The following KRT33A variants were observed in gnomAD, a reference collection of about 807,000 sequenced individuals.
KRT33A encodes keratin 33A.
A neutral mutation model predicts 41.1 loss-of-function variants in KRT33A; 44 were observed. The observed-to-expected ratio is 1.07, with a 90% CI of 0.84 to 1.38. The LOEUF is 1.38. Ranked by LOEUF, KRT33A falls within the 40% of genes most tolerant of loss-of-function variation. KRT33A has a pLI of 0.00. For missense variants in KRT33A, 536 were observed against 518.5 expected (o/e 1.03, Z -0.33); for synonymous variants, 229 against 227.8 (o/e 1.01, Z -0.05).
chr17:41,349,047 T>C (rs1310000545), intron 2 of KRT33A, among the ~76,000 whole-genome samples: 1 of 152,212 alleles, frequency 6.6e-6, no homozygotes, highest in African/African-American at 2.4e-5. Flanking sequence ...TGCTTCCACA[T>C]TCTCCATTCT....
At chr17:41,350,351 T>C in intron 1 of KRT33A, 69 bp downstream of exon 1, 1 of 1,551,070 alleles carries the variant, frequency 6.4e-7, no homozygotes, top group Non-Finnish European at 8.8e-7. Flanking sequence ...CTTACGTTGT[T>C]TCTCAATCAC....
intron 1 of KRT33A, 46 bp downstream of exon 1, chr17:41,350,374 C>T (rs1020630577): frequency 1.3e-6 from 2 of 1,590,726 alleles, no homozygotes; most frequent in Non-Finnish European, 1.7e-6. Flanking sequence ...CTCGGATTCT[C>T]TCCCGACAAC....
At chr17:41,349,193 A>G (rs578065656) in intron 2 of KRT33A, among the ~76,000 whole-genome samples, 153 bp downstream of exon 2, 2 of 152,306 alleles carry the variant, frequency 1.3e-5, no homozygotes, top group East Asian at 1.9e-4. Flanking sequence ...AGGATCTCTG[A>G]GCTACGGTGT....
In KRT33A at chr17:41,350,537, C is replaced by G; in HGVS notation, c.231G>C (p.Leu77=). The stretch of plus-strand genomic sequence containing the variant: ...TCTCCAGCTCCGCGTTGTCCCGCTC[C>G]AGCTGACGCACCTTCTCCAGGTAGC... ...LASYLEKVRQ[L]ERDNAELENL... is the part of the protein sequence containing the mutation. The change falls in exon 1 of 7, where the codon CTG becomes CTC. Residue 77 remains leucine, a synonymous_variant. Transcript: ENST00000007735. 1 of 1,614,102 alleles carries G rather than the reference C, an allele frequency of 6.2e-7. No individual in the cohort carries two copies.
At chr17:41,350,379 G>A (rs745533144) in intron 1 of KRT33A, 41 bp downstream of exon 1, 84 of 1,594,224 alleles carry the variant, frequency 5.3e-5, no homozygotes, top group South Asian at 1.6e-4. Context: ...ATTCTCTCCC[G>A]ACAACTTCCT....
chr17:41,348,171 G>A (rs1353778252), intron 3 of KRT33A, among the ~76,000 whole-genome samples: 1 of 152,212 alleles, frequency 6.6e-6, no homozygotes, highest in Non-Finnish European at 1.5e-5. Flanking sequence ...TACAAATGGA[G>A]AATTGGAATA....
Position 41,346,887 on chromosome 17 carries a change from G to C in KRT33A, c.833C>G (p.Thr278Arg). ...CAGCTCGATCTCCAGGGCATTGACC[G>C]TGCGTCTCAGCTCGATGATCTCCGC... ...YQAEIIELRR[T>R]VNALEIELQA... The change falls in exon 5 of 7, where the codon ACG (threonine) becomes AGG (arginine). Residue 278 changes from threonine (T) to arginine (R), a missense_variant. Thr to Arg is a moderately conservative substitution (Grantham distance 71). Transcript: ENST00000007735. 1 of 1,613,054 alleles carries C rather than the reference G, an allele frequency of 6.2e-7. No individual in the cohort carries two copies. The highest frequency in any genetic ancestry group is 8.5e-7 in the Non-Finnish European group (1 of 1,180,034).
intron 1 of KRT33A, 135 bp from the exon 2 acceptor site, chr17:41,349,563 C>A: frequency 1.3e-6 from 1 of 749,504 alleles, no homozygotes; most frequent in East Asian, 2.7e-5. Context: ...AGCAGGTACT[C>A]AATGAATATT....
intron 2 of KRT33A, 138 bp from the exon 3 acceptor site, chr17:41,348,777 A>G (rs2017461415): frequency 1.1e-6 from 1 of 885,516 alleles, no homozygotes; most frequent in Admixed American, 2.7e-5. Flanking sequence ...GGTTTTCAGC[A>G]TCGAGCTGGA....
intron 3 of KRT33A, among the ~76,000 whole-genome samples, chr17:41,348,084 G>A (rs564485459): frequency 6.6e-6 from 1 of 152,354 alleles, no homozygotes; most frequent in African/African-American, 2.4e-5. Flanking sequence ...GCTCTGGACA[G>A]GAACGAAGAG....
intron 3 of KRT33A, among the ~76,000 whole-genome samples, chr17:41,347,569 A>G (rs946780835): frequency 2.0e-5 from 3 of 152,226 alleles, no homozygotes; most frequent in Non-Finnish European, 4.4e-5. Flanking sequence ...ATAGCCTCAC[A>G]TGTTTGACTC....
intron 3 of KRT33A, 54 bp downstream of exon 3, chr17:41,348,429 A>T: frequency 1.3e-6 from 2 of 1,598,886 alleles, no homozygotes; most frequent in Non-Finnish European, 8.6e-7. Flanking sequence ...ACCCTGTGGC[A>T]GTTGTGAAAC....
Position 41,348,544 on chromosome 17 carries a change from A to G in KRT33A, c.527T>C (p.Leu176Pro). The G allele has an allele frequency of 1.2e-6, 2 of 1,614,012 alleles. No individual in the cohort carries two copies. The highest frequency in any genetic ancestry group is 1.7e-6 in the Non-Finnish European group (2 of 1,179,996). ...LDELTLCRSD[L>P]EAQVESLKEE... ...CTTCAGGGACTCCACCTGGGCCTCC[A>G]GGTCAGACCTGCACAGGGTCAGCTC... Residue 176 changes from leucine to proline, a missense_variant, in exon 3 of 7, where the codon CTG (leucine) becomes CCG (proline). By Grantham distance (98) the Leu-to-Pro change is moderately conservative (BLOSUM62 -3). Coordinates refer to ENST00000007735, the MANE Select transcript of KRT33A (RefSeq NM_004138.4).
At chr17:41,347,621 G>C (rs1048638983) in intron 3 of KRT33A, among the ~76,000 whole-genome samples, 9 of 152,252 alleles carry the variant, frequency 5.9e-5, no homozygotes, top group African/African-American at 2.2e-4. Flanking sequence ...AGCTAAAGAG[G>C]AAATACAGAA....
Position 41,346,459 on chromosome 17 carries a change from G to T in KRT33A, c.1086C>A (p.Ser362Arg), listed in dbSNP as rs371293319. The T allele has an allele frequency of 2.5e-6, 4 of 1,613,896 alleles. No homozygotes were observed. The highest frequency in any genetic ancestry group is 1.7e-4 in the Middle Eastern group (1 of 6,016). ...EINTYRSLLE[S>R]EDCKLPSNPC... is the part of the protein sequence containing the mutation. Reference sequence around the variant, plus strand: ...ACCCCCATACTGACTTGCAGTCCTCGCTCTCCAGCAGGCTCCGGTACGTGT... The same window carrying T: ...ACCCCCATACTGACTTGCAGTCCTCTCTCTCCAGCAGGCTCCGGTACGTGT... Residue 362 changes from serine to arginine, a missense_variant, in exon 6 of 7, where the codon AGC becomes AGA. Coordinates refer to ENST00000007735, the MANE Select transcript of KRT33A (RefSeq NM_004138.4).
chr17:41,349,875 A>T (rs2017480093), intron 1 of KRT33A, among the ~76,000 whole-genome samples: 1 of 152,026 alleles, frequency 6.6e-6, no homozygotes, highest in South Asian at 2.1e-4. Context: ...AACTGGGACT[A>T]CTTTGTCCTA....
At chr17:41,348,763 T>C (rs1456139780) in intron 2 of KRT33A, 124 bp from the exon 3 acceptor site, 2 of 1,041,300 alleles carry the variant, frequency 1.9e-6, no homozygotes, top group South Asian at 3.2e-5. Flanking sequence ...ATCTCTTTTG[T>C]TTAGGTTTTC....
Position 41,350,824 on chromosome 17 carries a change from G to T in KRT33A, c.-57C>A. The T allele has an allele frequency of 1.3e-6, 2 of 1,544,256 alleles. No homozygotes were observed. The highest frequency in any genetic ancestry group is 1.8e-6 in the Non-Finnish European group (2 of 1,142,668). On this transcript the variant is annotated 5_prime_UTR_variant, in exon 1 of 7. Coordinates refer to ENST00000007735, the MANE Select transcript of KRT33A (RefSeq NM_004138.4). ...GAGTCCAAAATCTCCAGGTTGTAGA[G>T]CGGTGGGTCTCCTTCCTCCAGGGAG...
rs1009273617 is a variant in KRT33A at position 41,350,364 on chromosome 17, C to T, written c.348+56G>A. 8.2e-6 allele frequency: 13 copies of T among 1,577,716 alleles called. No homozygotes were observed. The Admixed American group carries it at 2.3e-4, about 27-fold the overall frequency. ...AGCTTACGTTGTTTCTCAATCACAA[C>T]TCGGATTCTCTCCCGACAACTTCCT... is the stretch of plus-strand genomic sequence containing the variant. On this transcript the variant is annotated intron_variant, in intron 1 of 6. Transcript: ENST00000007735.
Sources: allele counts gnomAD v4.1 joint callset (sites outside exome capture counted in the v4.1 genomes callset), GRCh38; gene constraint gnomAD v4.1.1; transcripts MANE v1.5; gene names NCBI Gene and HGNC (gene_info 2026-07-23, HGNC 2026-07-21).